NADK2: variants seen among roughly 807,000 people sequenced by gnomAD.
NADK2 encodes the protein NAD kinase domain-containing protein 1, mitochondrial.
A neutral mutation model predicts 62.1 loss-of-function variants in NADK2; 35 were observed. The observed-to-expected ratio is 0.56, with a 90% CI of 0.43 to 0.75. The LOEUF (loss-of-function observed/expected upper bound fraction) is 0.75. NADK2 is among the 30% of genes least tolerant of loss of function. NADK2 has a pLI of 0.00. For missense variants in NADK2, 439 were observed against 561.3 expected, an observed-to-expected ratio of 0.78 and a Z score of 2.20; for synonymous variants, 205 against 207.9, an observed-to-expected ratio of 0.99 and a Z score of 0.12.
intron 1 of NADK2, among the ~76,000 whole-genome samples, chr5:36,231,033 G>C (rs982371619): frequency 3.3e-5 from 5 of 152,064 alleles, no homozygotes; most frequent in Admixed American, 6.6e-5. Context: ...TTTACCTTAT[G>C]TTCCAAATTT....
intron 6 of NADK2, among the ~76,000 whole-genome samples, chr5:36,217,469 G>A (rs1256446086): frequency 6.6e-6 from 1 of 151,606 alleles, no homozygotes; most frequent in African/African-American, 2.4e-5. Flanking sequence ...AAAGATTAAG[G>A]CCAAGAATCT....
At chr5:36,220,560 TTATC>T (rs1224376742) in intron 4 of NADK2, among the ~76,000 whole-genome samples, 1 of 152,224 alleles carries the variant, frequency 6.6e-6, no homozygotes, top group Non-Finnish European at 1.5e-5. Context: ...GTCAACTTCT[TTATC>T]TAAGCAGGTC....
At chr5:36,210,955 C>T (rs1301393264) in intron 7 of NADK2, among the ~76,000 whole-genome samples, 1 of 152,102 alleles carries the variant, frequency 6.6e-6, no homozygotes, top group Non-Finnish European at 1.5e-5. Flanking sequence ...GATTTAAAGG[C>T]CAACCTGGGC....
Position 36,199,362 on chromosome 5 carries a change from T to C in NADK2, c.1066+865A>G, listed in dbSNP as rs141778822. ...CTTGGTGTCTATATATTTTTTGTCA[T>C]ATATGTTGAGAAAATACATAGGTTG... On this transcript the variant is annotated intron_variant, in intron 10 of 11. Coordinates refer to ENST00000381937, the MANE Select transcript of NADK2 (RefSeq NM_001085411.3). Among the ~76,000 whole-genome samples, 299 of 152,154 alleles carry C rather than the reference T, an allele frequency of 2.0e-3. 1 individual carries two copies. The highest frequency in any genetic ancestry group is 0.01 in the Middle Eastern group (3 of 294).
chr5:36,238,447 C>A (rs764658120), intron 1 of NADK2, among the ~76,000 whole-genome samples: 1 of 152,204 alleles, frequency 6.6e-6, no homozygotes, highest in Non-Finnish European at 1.5e-5. Flanking sequence ...GCAGAAACTG[C>A]TGACTTCTTA....
chr5:36,241,834 GC>G lies in NADK2; in HGVS notation c.-37del. ...GCCGCGGCCGCGGGCTTGGGCTCGG[GC>G]CCCTTGCCTCAGCTCCCTACCGCCG... On this transcript the variant is annotated 5_prime_UTR_variant, in exon 1 of 12. Transcript: ENST00000381937. This position sits in a 1 kb window ranked among gnomAD's most constrained non-coding sequence, Gnocchi z 4.9. 5 of 1,262,078 alleles carry G rather than the reference GC, an allele frequency of 4.0e-6. No homozygotes were observed. The highest frequency in any genetic ancestry group is 4.4e-5 in the Admixed American group (1 of 22,804). The allele number at this position is 1,262,078 out of a possible 1,614,324, so 78.2% of individuals were successfully genotyped here. A position where few individuals can be genotyped will look rare whatever the true frequency, so the allele number is the denominator to read the frequency against.
chr5:36,218,333 G>A, intron 5 of NADK2: 1 of 152,346 alleles, frequency 6.6e-6, no homozygotes, highest in Non-Finnish European at 1.5e-5. Flanking sequence ...AAGGAAAAAA[G>A]GATTAAGAAA....
intron 1 of NADK2, among the ~76,000 whole-genome samples, chr5:36,237,536 A>T (rs1264066473): frequency 6.6e-6 from 1 of 152,228 alleles, no homozygotes; most frequent in Non-Finnish European, 1.5e-5. Flanking sequence ...ACTTCTTTGT[A>T]TAATATTTTG....
At chr5:36,216,591 C>A (rs1212076126) in intron 6 of NADK2, among the ~76,000 whole-genome samples, 2 of 152,032 alleles carry the variant, frequency 1.3e-5, no homozygotes, top group Non-Finnish European at 2.9e-5. Context: ...CTCGAACTAC[C>A]ATTAATCAGA....
intron 1 of NADK2, among the ~76,000 whole-genome samples, chr5:36,234,171 G>C (rs1018886241): frequency 2.0e-5 from 3 of 151,550 alleles, no homozygotes; most frequent in East Asian, 1.9e-4. Flanking sequence ...TCAGGAGATC[G>C]AGACCATCCT....
intron 9 of NADK2, among the ~76,000 whole-genome samples, chr5:36,200,651 C>T (rs1392851572): frequency 1.3e-5 from 2 of 151,962 alleles, no homozygotes; most frequent in African/African-American, 4.8e-5. Context: ...CAGTCCTGCT[C>T]TAACCCACCT....
chr5:36,200,119 TG>T (rs1746380625), intron 10 of NADK2, 107 bp downstream of exon 10: 8 of 635,704 alleles, frequency 1.3e-5, no homozygotes, highest in Non-Finnish European at 2.0e-5. Context: ...ATTAAAAGCA[TG>T]TTTGAGTAAA....
Position 36,217,761 on chromosome 5 carries a change from T to C in NADK2, c.768A>G (p.Arg256=). 1 of 1,613,876 alleles carries C rather than the reference T, an allele frequency of 6.2e-7. No homozygotes were observed. Among genetic ancestry groups the C allele is most frequent in the Non-Finnish European group, 8.5e-7 (1 of 1,179,826 alleles). The change falls in exon 6 of 12, where the codon AGA becomes AGG. Residue 256 remains arginine (R), a synonymous_variant. Coordinates refer to ENST00000381937, the MANE Select transcript of NADK2 (RefSeq NM_001085411.3). Reference sequence around the variant, plus strand: ...CAATCCACCTACTTTCATCATGAGCTCTTTCAATGTTAAGGGCTCTATTGT... The same window carrying C: ...CAATCCACCTACTTTCATCATGAGCCCTTTCAATGTTAAGGGCTCTATTGT... The part of the protein sequence containing the change: ...NQHNRALNIE[R]AHDERSEASG...
At chr5:36,216,339 T>C (rs1357499826) in intron 6 of NADK2, among the ~76,000 whole-genome samples, 1 of 152,192 alleles carries the variant, frequency 6.6e-6, no homozygotes, top group Non-Finnish European at 1.5e-5. Context: ...CCTTGTTAGA[T>C]GAATAGTTTG....
At position 36,199,248 on chromosome 5, in the gene NADK2, A is replaced by C. The variant is rs1275585694; in HGVS notation, c.1066+979T>G. 2.6e-5 allele frequency among the ~76,000 whole-genome samples: 4 copies of C among 152,240 alleles called. No individual in the cohort carries two copies. In the East Asian group the frequency reaches 7.7e-4, roughly 29 times the overall value. On this transcript the variant is annotated intron_variant, in intron 10 of 11. Coordinates refer to ENST00000381937, the MANE Select transcript of NADK2 (RefSeq NM_001085411.3). ...AAAAAGATATTGCTAACTCATGTTA[A>C]GGTAACCAATGAGAATGAGGCCGTT...
Position 36,220,347 on chromosome 5 carries a change from G to C in NADK2, c.561-668C>G, listed in dbSNP as rs534619815. 4.2e-4 allele frequency among the ~76,000 whole-genome samples: 64 copies of C among 152,268 alleles called. No homozygotes were observed. The South Asian group carries it at 0.013, about 32-fold the overall frequency. On this transcript the variant is annotated intron_variant, in intron 4 of 11. Coordinates refer to ENST00000381937, the MANE Select transcript of NADK2 (RefSeq NM_001085411.3). Reference sequence around the variant, plus strand: ...ACAAACCATTGCAAATTATAAGGTGGTAAGATTGCCTATTGGTTGGTGTAG... The same window carrying C: ...ACAAACCATTGCAAATTATAAGGTGCTAAGATTGCCTATTGGTTGGTGTAG...
rs779729792 is a variant in NADK2 at position 36,205,714 on chromosome 5, C to T, written c.956+1456G>A. ...TTGGTGGGAGCATAAATTAGTGCAA[C>T]CATTGTGGAAGACAGTGTGGCGATT... On this transcript the variant is annotated intron_variant, in intron 8 of 11. Coordinates refer to ENST00000381937, the MANE Select transcript of NADK2 (RefSeq NM_001085411.3). This position sits in a 1 kb window ranked among gnomAD's most constrained non-coding sequence, Gnocchi z 4.1. 6.6e-6 allele frequency among the ~76,000 whole-genome samples: 1 copy of T among 152,024 alleles called. No homozygotes were observed. The highest frequency in any genetic ancestry group is 2.4e-5 in the African/African-American group (1 of 41,386).
chr5:36,236,826 C>G (rs567066578), intron 1 of NADK2, among the ~76,000 whole-genome samples: 3 of 128,562 alleles, frequency 2.3e-5, no homozygotes, highest in East Asian at 4.3e-4. Flanking sequence ...GCAAGGTTAC[C>G]AAGGATGGCA....
intron 5 of NADK2, chr5:36,218,357 T>G (rs1367695963): frequency 6.6e-6 from 1 of 152,584 alleles, no homozygotes; most frequent in East Asian, 1.9e-4. Flanking sequence ...TAAATAAAAG[T>G]GTTGATTACA....
Sources: allele counts gnomAD v4.1 joint callset (sites outside exome capture counted in the v4.1 genomes callset), GRCh38; gene constraint gnomAD v4.1.1; non-coding constraint Gnocchi (gnomAD v3.1); transcripts MANE v1.5; gene names NCBI Gene and HGNC (gene_info 2026-07-23, HGNC 2026-07-21).